The following CIBAR2 variants were observed in gnomAD, a reference collection of about 807,000 sequenced individuals.
CIBAR2 encodes the protein CBY1-interacting BAR domain-containing protein 2.
In CIBAR2, 38 loss-of-function variants were observed where a neutral mutation model predicts 36.2. That is an observed-to-expected ratio of 1.05 (90% CI 0.81 to 1.38). The LOEUF (loss-of-function observed/expected upper bound fraction) is 1.38. Among genes scored for constraint, CIBAR2 ranks in the 40% most tolerant of loss-of-function variants. The pLI is 0.00. For synonymous variants in CIBAR2, 182 were observed against 149.5 expected, an observed-to-expected ratio of 1.22 and a Z score of -1.58; for missense variants, 481 against 383.4, an observed-to-expected ratio of 1.25 and a Z score of -2.13.
chr16:85,112,274 C>T (rs1358748240), intron 1 of CIBAR2, 59 bp downstream of exon 1: 43 of 1,552,580 alleles, frequency 2.8e-5, no homozygotes, highest in East Asian at 1.8e-4. Flanking sequence ...GTTGGTGCCC[C>T]GGGCCTCAAA....
At chr16:85,111,494 C>G (rs1421062428) in intron 1 of CIBAR2, among the ~76,000 whole-genome samples, 1 of 152,162 alleles carries the variant, frequency 6.6e-6, no homozygotes, top group African/African-American at 2.4e-5. Flanking sequence ...TCCTAGGCCC[C>G]CGACCCCAGG....
chr16:85,108,153 G>A (rs1481053433), intron 2 of CIBAR2, 54 bp from the exon 3 acceptor site: 5 of 1,524,252 alleles, frequency 3.3e-6, no homozygotes, highest in Non-Finnish European at 4.4e-6. Flanking sequence ...CCTGCCTCCA[G>A]CCTGGGCATA....
Position 85,105,325 on chromosome 16 carries a change from A to T in CIBAR2, c.537+2T>A, listed in dbSNP as rs768524791. 1.2e-6 allele frequency: 2 copies of T among 1,606,132 alleles called. No individual in the cohort carries two copies. The highest frequency in any genetic ancestry group is 2.7e-5 in the African/African-American group (2 of 74,758). On this transcript the variant is annotated splice_donor_variant, in intron 6 of 8. Coordinates refer to ENST00000539556, the MANE Select transcript of CIBAR2 (RefSeq NM_198491.3). LOFTEE classifies it high-confidence loss of function. The stretch of plus-strand genomic sequence containing the variant: ...CCTCCCATCCCGGCCAACCACCCTC[A>T]CCTGCAGGTCCTTGAGCTTCTGCCT...
intron 7 of CIBAR2, among the ~76,000 whole-genome samples, chr16:85,100,475 C>G (rs1262423773): frequency 6.6e-6 from 1 of 152,182 alleles, no homozygotes; most frequent in Non-Finnish European, 1.5e-5. Context: ...GGCCAGGTAA[C>G]ATGACCATCG....
chr16:85,105,464 C>G, intron 5 of CIBAR2, 33 bp from the exon 6 acceptor site: 1 of 1,522,650 alleles, frequency 6.6e-7, no homozygotes, highest in African/African-American at 1.4e-5. Flanking sequence ...TAGAAAGTGT[C>G]ATGGGGGTGC....
intron 6 of CIBAR2, among the ~76,000 whole-genome samples, chr16:85,104,668 A>T (rs1308571429): frequency 6.6e-6 from 1 of 152,122 alleles, no homozygotes; most frequent in East Asian, 1.9e-4. Context: ...GTGAGTGGAG[A>T]TCATACCATT....
Position 85,100,221 on chromosome 16 carries a change from T to G in CIBAR2, c.671A>C (p.Gln224Pro), listed in dbSNP as rs1370956718. The change falls in exon 8 of 9, where the codon CAA (glutamine) becomes CCA (proline). Residue 224 changes from glutamine to proline, a missense_variant. By Grantham distance (76) the Gln-to-Pro change is moderately conservative. Coordinates refer to ENST00000539556, the MANE Select transcript of CIBAR2 (RefSeq NM_198491.3). ...RDLLDFRAKM[Q>P]GVYGHYDTRL... Reference sequence around the variant, plus strand: ...AGTGTCATAATGCCCATAAACTCCTTGCATCTTGGCTCTAAAATCCTGCCG... The same window carrying G: ...AGTGTCATAATGCCCATAAACTCCTGGCATCTTGGCTCTAAAATCCTGCCG... The G allele has an allele frequency of 3.1e-6, 5 of 1,609,704 alleles. No homozygotes were observed. The highest frequency in any genetic ancestry group is 4.2e-6 in the Non-Finnish European group (5 of 1,178,378).
chr16:85,103,946 T>C (rs1414073979), intron 6 of CIBAR2, among the ~76,000 whole-genome samples: 1 of 152,158 alleles, frequency 6.6e-6, no homozygotes, highest in Non-Finnish European at 1.5e-5. Flanking sequence ...GCCCCAACGG[T>C]GTCAACTCCG....
chr16:85,110,832 G>A (rs2062711091), intron 1 of CIBAR2, among the ~76,000 whole-genome samples: 3 of 151,210 alleles, frequency 2.0e-5, no homozygotes, highest in African/African-American at 7.3e-5. Flanking sequence ...AGCCTCCTGA[G>A]TAGGTGGGAT....
At chr16:85,106,035 T>C (rs8052539) in intron 5 of CIBAR2, among the ~76,000 whole-genome samples, 31,342 of 152,186 alleles carry the variant, frequency 0.21, 3,480 homozygotes, top group South Asian at 0.3. Context: ...ACCTTCGTGT[T>C]TGTGAAACGC....
At chr16:85,105,300 C>T in intron 6 of CIBAR2, 27 bp downstream of exon 6, 1 of 1,476,156 alleles carries the variant, frequency 6.8e-7, no homozygotes, top group Non-Finnish European at 9.4e-7. Context: ...GCCCAGGGCG[C>T]CTCCCATCCC....
In CIBAR2 at chr16:85,102,267, A is replaced by T. The variant is rs962970792; in HGVS notation, c.598T>A (p.Tyr200Asn). 1.9e-6 allele frequency: 3 copies of T among 1,613,736 alleles called. No homozygotes were observed. Among genetic ancestry groups the T allele is most frequent in the African/African-American group, 1.3e-5 (1 of 74,912 alleles). ...MVFHAKAVEV[Y>N]SSAFQTLEKY... ...TCCAGGGTCTGGAAGGCGCTAGAAT[A>T]CACCTCCACCGCTTTGGCATGGAAA... The change falls in exon 7 of 9, where the codon TAT becomes AAT. Residue 200 changes from tyrosine to asparagine, a missense_variant. By Grantham distance (143) the Tyr-to-Asn change is moderately radical. Transcript: ENST00000539556.
chr16:85,105,207 C>A, intron 6 of CIBAR2, 120 bp downstream of exon 6: 1 of 638,664 alleles, frequency 1.6e-6, no homozygotes. Context: ...AGTGCTCACA[C>A]GTGTACACAG....
intron 2 of CIBAR2, among the ~76,000 whole-genome samples, chr16:85,108,429 G>A (rs1428883951): frequency 1.3e-5 from 2 of 152,234 alleles, no homozygotes; most frequent in African/African-American, 4.8e-5. Context: ...TGTCATCACT[G>A]AGGAGGGCAG....
At chr16:85,102,410 G>C (rs2073963092) in intron 6 of CIBAR2, 83 bp from the exon 7 acceptor site, 2 of 809,086 alleles carry the variant, frequency 2.5e-6, no homozygotes, top group African/African-American at 1.7e-5. Flanking sequence ...AGATGGGGTG[G>C]GGGTGTGGAG....
rs1445534744 is a variant in CIBAR2, at chr16:85,098,484, G to A, written c.*701C>T. On this transcript the variant is annotated 3_prime_UTR_variant, in exon 9 of 9. Transcript: ENST00000539556. ...GAGGAAACTGAGGCTCAGAGGACAC[G>A]TGGCTTGCCTGAGGGCACACAGCAG... 5 of 980,060 alleles carry A rather than the reference G, an allele frequency of 5.1e-6. No individual in the cohort carries two copies. The highest frequency in any genetic ancestry group is 4.7e-5 in the South Asian group (1 of 21,176). 60.7% of individuals were successfully genotyped at this position (980,060 alleles called of 1,614,324 possible). A position where few individuals can be genotyped will look rare whatever the true frequency, so the allele number is the denominator to read the frequency against.
At chr16:85,102,997 G>A (rs2073967812) in intron 6 of CIBAR2, among the ~76,000 whole-genome samples, 1 of 151,846 alleles carries the variant, frequency 6.6e-6, no homozygotes, top group Non-Finnish European at 1.5e-5. Context: ...CGCCTCCCGG[G>A]TTCAAGCGAT....
rs753328654 is a variant in CIBAR2 at position 85,112,301 on chromosome 16, C to G, written c.20+32G>C. The G allele has an allele frequency of 2.5e-6, 4 of 1,612,464 alleles. No homozygotes were observed. The African/African-American group carries it at 4.0e-5, about 16-fold the overall frequency. Reference sequence around the variant, plus strand: ...GGCCTCAAAACCCGACTTCCACCTCCCTCACAGCCAGGCTGGCGCTGGCCC... The same window carrying G: ...GGCCTCAAAACCCGACTTCCACCTCGCTCACAGCCAGGCTGGCGCTGGCCC... On this transcript the variant is annotated intron_variant, in intron 1 of 8. Coordinates refer to ENST00000539556, the MANE Select transcript of CIBAR2 (RefSeq NM_198491.3).
rs954698020 is a variant in CIBAR2, at chr16:85,098,549, C to G, written c.*636G>C. 2.3e-5 allele frequency: 23 copies of G among 985,918 alleles called. No individual in the cohort carries two copies. The highest frequency in any genetic ancestry group is 2.7e-5 in the Non-Finnish European group (22 of 830,072). 61.1% of individuals were successfully genotyped at this position (985,918 alleles called of 1,614,324 possible). On this transcript the variant is annotated 3_prime_UTR_variant, in exon 9 of 9. Transcript: ENST00000539556. ...TCCAAGGCCAGCTAAGTTCTTCTGA[C>G]TGTTGTGGGCAGTTCTCTCTTATGG...
Sources: allele counts gnomAD v4.1 joint callset (sites outside exome capture counted in the v4.1 genomes callset), GRCh38; gene constraint gnomAD v4.1.1; transcripts MANE v1.5; gene names NCBI Gene and HGNC (gene_info 2026-07-23, HGNC 2026-07-21).